TTC23: variants seen among roughly 807,000 people sequenced by gnomAD.
The protein encoded by TTC23 is tetratricopeptide repeat protein 23.
A neutral mutation model predicts 55.1 loss-of-function variants in TTC23; 58 were observed. The observed-to-expected ratio is 1.05, with a 90% confidence interval of 0.85 to 1.31. The LOEUF is 1.31. Ranked by LOEUF, TTC23 falls within the 50% of genes most tolerant of loss-of-function variation. The pLI is 0.00. For synonymous variants in TTC23, 203 were observed against 199.9 expected, an observed-to-expected ratio of 1.02 and a Z score of -0.13; for missense variants, 516 against 534.4, an observed-to-expected ratio of 0.97 and a Z score of 0.34.
Position 99,206,462 on chromosome 15 carries a change from A to G in TTC23, c.582-6366T>C, listed in dbSNP as rs575545708. Among the ~76,000 whole-genome samples the G allele has an allele frequency of 3.9e-5, 6 of 152,274 alleles. 1 individual carries two copies. Among genetic ancestry groups the G allele is most frequent in the East Asian group, 1.9e-4 (1 of 5,190 alleles). The stretch of plus-strand genomic sequence containing the variant: ...CTTGGGCTTTTCTTTGATGGAAGAC[A>G]TTCTATCAATGCTTCTATCTTGTTA... On this transcript the variant is annotated intron_variant, in intron 8 of 13. Transcript: ENST00000394132.
At chr15:99,142,818 G>A (rs2068399362) in intron 12 of TTC23, among the ~76,000 whole-genome samples, 1 of 152,180 alleles carries the variant, frequency 6.6e-6, no homozygotes, top group Non-Finnish European at 1.5e-5. Flanking sequence ...TTCCCTGGGA[G>A]CATTTTCACT....
intron 8 of TTC23, among the ~76,000 whole-genome samples, chr15:99,208,940 G>A (rs2076833608): frequency 6.6e-6 from 1 of 152,108 alleles, no homozygotes; most frequent in South Asian, 2.1e-4. Flanking sequence ...ATTATCTAGT[G>A]TATCCACAAT....
chr15:99,244,255 C>T lies in TTC23; in HGVS notation c.-309+1134G>A, dbSNP rs147575782. Reference sequence around the variant, plus strand: ...AAGGCAAGAATGATTTCTCTCACCACCTGTAGTCAAAGTTGTGGATATTAC... The same window carrying T: ...AAGGCAAGAATGATTTCTCTCACCATCTGTAGTCAAAGTTGTGGATATTAC... On this transcript the variant is annotated intron_variant, in intron 2 of 13. Transcript: ENST00000394132. Among the ~76,000 whole-genome samples, 579 of 152,248 alleles carry T rather than the reference C, an allele frequency of 3.8e-3. 17 individuals carry two copies. Among genetic ancestry groups the T allele is most frequent in the Non-Finnish European group, 1.1e-3 (73 of 68,014 alleles).
upstream of TTC23, chr15:99,249,802 TTAAG>T (rs2080567212): frequency 6.6e-6 from 1 of 152,180 alleles, no homozygotes. Flanking sequence ...TTTTTCCCCT[TTAAG>T]AGAGACAAAA....
At chr15:99,159,412 A>G (rs2071051889) in intron 11 of TTC23, 1 of 152,248 alleles carries the variant, frequency 6.6e-6, no homozygotes, top group South Asian at 2.1e-4. Flanking sequence ...ATACTTACAA[A>G]TATTTGATGA....
chr15:99,180,177 C>A (rs2073979271), intron 9 of TTC23, among the ~76,000 whole-genome samples: 1 of 152,130 alleles, frequency 6.6e-6, no homozygotes, highest in African/African-American at 2.4e-5. Flanking sequence ...CATTTCCCCT[C>A]ATGTCTTTTG....
At chr15:99,168,200 A>G (rs1423564462) in intron 10 of TTC23, among the ~76,000 whole-genome samples, 2 of 152,220 alleles carry the variant, frequency 1.3e-5, no homozygotes, top group Non-Finnish European at 1.5e-5. Context: ...GCTGTGTGAT[A>G]CAAGGAAGTC....
chr15:99,139,060 G>C (rs1555488650), intron 13 of TTC23: 1 of 523,546 alleles, frequency 1.9e-6, no homozygotes, highest in Non-Finnish European at 3.5e-6. Flanking sequence ...AGGTGCCTTA[G>C]CCTGCAGGGG....
At chr15:99,233,024 T>C (rs556575210) in intron 4 of TTC23, among the ~76,000 whole-genome samples, 1 of 152,232 alleles carries the variant, frequency 6.6e-6, no homozygotes, top group African/African-American at 2.4e-5. Flanking sequence ...TTAAGTGAAA[T>C]AGCCAGGCAC....
chr15:99,182,764 T>C (rs1350672202), intron 9 of TTC23, among the ~76,000 whole-genome samples: 1 of 152,076 alleles, frequency 6.6e-6, no homozygotes, highest in African/African-American at 2.4e-5. Flanking sequence ...TGACCTTTCC[T>C]ATATAGCTTG....
chr15:99,201,938 G>A (rs1391399823), intron 8 of TTC23, among the ~76,000 whole-genome samples: 14 of 152,142 alleles, frequency 9.2e-5, no homozygotes, highest in Admixed American at 9.2e-4. Flanking sequence ...TAGATTCCGT[G>A]GTAGACAAAG....
rs746852509 is a variant in TTC23 at position 99,243,965 on chromosome 15, TAA to T, written c.-309+1422_-309+1423del. Among the ~76,000 whole-genome samples, 17 of 152,242 alleles carry T rather than the reference TAA, an allele frequency of 1.1e-4. No individual in the cohort carries two copies. In the South Asian group the frequency reaches 3.1e-3, roughly 28 times the overall value. On this transcript the variant is annotated intron_variant, in intron 2 of 13. Transcript: ENST00000394132. ...AAGTTATTGTATATTTTAAAATAACTAAAAGAGTAGAATTGGAATAATTCTAA... is the reference window on the plus strand; with the variant it reads ...AAGTTATTGTATATTTTAAAATAACTAAGAGTAGAATTGGAATAATTCTAA...
chr15:99,214,383 C>T (rs775974782), intron 8 of TTC23, among the ~76,000 whole-genome samples: 3 of 151,644 alleles, frequency 2.0e-5, no homozygotes, highest in Non-Finnish European at 2.9e-5. Context: ...TGGTGGGTGC[C>T]TGTAGTCCCC....
intron 2 of TTC23, among the ~76,000 whole-genome samples, chr15:99,242,174 T>C (rs1225889080): frequency 1.3e-5 from 2 of 149,684 alleles, no homozygotes; most frequent in Non-Finnish European, 3.0e-5. Flanking sequence ...CCATTATGAC[T>C]AGTTTCTTAA....
chr15:99,168,379 C>G (rs1016697909), intron 10 of TTC23, among the ~76,000 whole-genome samples: 6 of 152,158 alleles, frequency 3.9e-5, no homozygotes, highest in African/African-American at 1.4e-4. Flanking sequence ...GTGACCAGCC[C>G]CCCTCCATGA....
chr15:99,165,323 A>G (rs1567371099), intron 10 of TTC23, among the ~76,000 whole-genome samples: 1 of 152,246 alleles, frequency 6.6e-6, no homozygotes, highest in Non-Finnish European at 1.5e-5. Flanking sequence ...CTCTGAGAAC[A>G]TGCCTGAAAT....
intron 9 of TTC23, among the ~76,000 whole-genome samples, chr15:99,192,027 CT>C (rs746839030): frequency 6.6e-6 from 1 of 152,188 alleles, no homozygotes; most frequent in African/African-American, 2.4e-5. Context: ...CATTTTGCCC[CT>C]GTCCTAGAGA....
chr15:99,201,313 TC>T (rs2076179359), intron 8 of TTC23, among the ~76,000 whole-genome samples: 1 of 152,192 alleles, frequency 6.6e-6, no homozygotes, highest in Non-Finnish European at 1.5e-5. Context: ...AATAATCTTC[TC>T]CAGCATATTT....
chr15:99,235,660 G>C (rs986711177), intron 3 of TTC23, among the ~76,000 whole-genome samples: 13 of 152,182 alleles, frequency 8.5e-5, no homozygotes, highest in Non-Finnish European at 4.4e-5. Flanking sequence ...ATGAGCCACT[G>C]TGCCCGGACC....
Sources: allele counts gnomAD v4.1 joint callset (sites outside exome capture counted in the v4.1 genomes callset), GRCh38; gene constraint gnomAD v4.1.1; transcripts MANE v1.5; gene names NCBI Gene and HGNC (gene_info 2026-07-23, HGNC 2026-07-21).